Variants in L3MBTL4 observed in about 807,000 individuals in gnomAD.
L3MBTL4 encodes L3MBTL histone methyl-lysine binding protein 4.
Under a neutral mutation model 84.5 loss-of-function variants are expected in L3MBTL4, and 70 were observed. The ratio of observed to expected loss-of-function variants is 0.83; its 90% CI spans 0.68 to 1.01. L3MBTL4 has a LOEUF of 1.01. L3MBTL4 is among the 50% of genes least tolerant of loss of function. The pLI is 0.00. For synonymous variants in L3MBTL4, 274 were observed against 259.8 expected, an observed-to-expected ratio of 1.05 and a Z score of -0.52; for missense variants, 715 against 754.8, an observed-to-expected ratio of 0.95 and a Z score of 0.62.
chr18:6,400,449 A>G (rs1454296707), intron 1 of L3MBTL4, among the ~76,000 whole-genome samples: 2 of 152,202 alleles, frequency 1.3e-5, no homozygotes, highest in African/African-American at 4.8e-5. Flanking sequence ...TTACCTTGTC[A>G]TCCAGGCTAC....
At chr18:6,243,502 T>C (rs1020303767) in intron 6 of L3MBTL4, 73 bp from the exon 7 acceptor site, 31 of 1,312,324 alleles carry the variant, frequency 2.4e-5, no homozygotes, top group Non-Finnish European at 2.8e-5. Context: ...TCACAAAATA[T>C]TCATATATTT....
rs188446013 is a variant in L3MBTL4, at chr18:6,314,993, C to G, written c.-90-2937G>C. Among the ~76,000 whole-genome samples the G allele has an allele frequency of 2.1e-3, 315 of 152,288 alleles. 1 individual carries two copies. Among genetic ancestry groups the G allele is most frequent in the African/African-American group, 5.7e-3 (237 of 41,564 alleles). On this transcript the variant is annotated intron_variant, in intron 1 of 18. Transcript: ENST00000317931. Reference sequence around the variant, plus strand: ...ATAAGGATTAACAGCACTGCTTTCACTCCCCCAAAATATCCCAGTTTAAAC... The same window carrying G: ...ATAAGGATTAACAGCACTGCTTTCAGTCCCCCAAAATATCCCAGTTTAAAC...
chr18:6,064,741 G>C (rs2057346358), intron 16 of L3MBTL4, among the ~76,000 whole-genome samples: 1 of 151,854 alleles, frequency 6.6e-6, no homozygotes, highest in South Asian at 2.1e-4. Context: ...AGATCTAGGA[G>C]CTTTTTGGAT....
At chr18:6,003,327 T>C (rs1168353424) in intron 16 of L3MBTL4, among the ~76,000 whole-genome samples, 2 of 151,382 alleles carry the variant, frequency 1.3e-5, no homozygotes, top group Admixed American at 1.3e-4. Context: ...GTGTGATATA[T>C]TAATAAAAGG....
intron 4 of L3MBTL4, among the ~76,000 whole-genome samples, chr18:6,270,892 C>T (rs547819587): frequency 6.6e-6 from 1 of 152,282 alleles, no homozygotes; most frequent in African/African-American, 2.4e-5. Flanking sequence ...AGCAGAACTT[C>T]CTCTATGAAT....
chr18:6,310,559 T>C (rs7235294), intron 3 of L3MBTL4, among the ~76,000 whole-genome samples: 27,954 of 152,036 alleles, frequency 0.18, 2,637 homozygotes, highest in Middle Eastern at 0.22. Flanking sequence ...ATGTATTACA[T>C]GATGTCACTT....
At chr18:6,274,281 G>A (rs2048992363) in intron 4 of L3MBTL4, among the ~76,000 whole-genome samples, 2 of 152,144 alleles carry the variant, frequency 1.3e-5, no homozygotes, top group South Asian at 4.1e-4. Context: ...CTGGGAGTAG[G>A]GCCCAGCAAT....
chr18:6,252,332 G>A (rs1186987206), intron 5 of L3MBTL4, among the ~76,000 whole-genome samples: 1 of 152,014 alleles, frequency 6.6e-6, no homozygotes, highest in Non-Finnish European at 1.5e-5. Context: ...AAAAAAGCAA[G>A]ACACATCACT....
intron 14 of L3MBTL4, among the ~76,000 whole-genome samples, chr18:6,120,901 T>G (rs1002565846): frequency 6.6e-6 from 1 of 152,184 alleles, no homozygotes; most frequent in African/African-American, 2.4e-5. Context: ...AAGTAGGAGC[T>G]ATTATAAATA....
At position 6,281,307 on chromosome 18, in the gene L3MBTL4, T is replaced by C. The variant is rs147675504; in HGVS notation, c.128-17269A>G. ...AAAGCATCCATAGCTAACATTTTCCTCTCTTTGAGCTGATGTTCAGGGAAA... is the reference window on the plus strand; with the variant it reads ...AAAGCATCCATAGCTAACATTTTCCCCTCTTTGAGCTGATGTTCAGGGAAA... On this transcript the variant is annotated intron_variant, in intron 4 of 18. Transcript: ENST00000317931. Among the ~76,000 whole-genome samples the C allele has an allele frequency of 3.0e-3, 455 of 152,318 alleles. 5 individuals are homozygous for C. The highest frequency in any genetic ancestry group is 0.011 in the African/African-American group (439 of 41,566).
At chr18:6,104,853 A>G (rs1049406850) in intron 14 of L3MBTL4, among the ~76,000 whole-genome samples, 4 of 152,226 alleles carry the variant, frequency 2.6e-5, no homozygotes, top group Admixed American at 2.0e-4. Context: ...GTTGCCAATT[A>G]TATTCTTTCC....
intron 12 of L3MBTL4, among the ~76,000 whole-genome samples, chr18:6,203,460 T>C (rs745919512): frequency 3.9e-5 from 6 of 152,322 alleles, no homozygotes; most frequent in Middle Eastern, 3.4e-3. Context: ...TACAACACTG[T>C]TGAGGTGGAA....
At chr18:6,322,985 G>A (rs899384483) in intron 1 of L3MBTL4, among the ~76,000 whole-genome samples, 39 of 152,094 alleles carry the variant, frequency 2.6e-4, no homozygotes, top group African/African-American at 8.9e-4. Context: ...GTAACAGTGA[G>A]TAAGTTCTCA....
At chr18:6,229,732 T>C (rs1226985036) in intron 10 of L3MBTL4, among the ~76,000 whole-genome samples, 1 of 152,196 alleles carries the variant, frequency 6.6e-6, no homozygotes, top group African/African-American at 2.4e-5. Context: ...TTGAAGACTC[T>C]CTTTTCCCCA....
At chr18:5,993,004 G>T (rs928938033) in intron 16 of L3MBTL4, among the ~76,000 whole-genome samples, 1 of 152,200 alleles carries the variant, frequency 6.6e-6, no homozygotes, top group African/African-American at 2.4e-5. Context: ...AAGATCACCT[G>T]GGGGCACAGA....
chr18:6,380,340 A>G (rs955066359), intron 1 of L3MBTL4, among the ~76,000 whole-genome samples: 10 of 151,878 alleles, frequency 6.6e-5, no homozygotes, highest in African/African-American at 2.4e-4. Context: ...AATCTTCATT[A>G]TTTCTTGTCT....
intron 13 of L3MBTL4, among the ~76,000 whole-genome samples, chr18:6,143,997 A>T (rs1283431586): frequency 2.6e-5 from 4 of 152,108 alleles, no homozygotes; most frequent in African/African-American, 4.8e-5. Context: ...GGAGATCGAG[A>T]CTATCCTGGC....
chr18:6,072,681 A>AAC (rs367701179), intron 16 of L3MBTL4, among the ~76,000 whole-genome samples: 1,247 of 119,720 alleles, frequency 0.01, 7 homozygotes, highest in Non-Finnish European at 0.015. Flanking sequence ...TCTACTAAAA[A>AAC]ACACACACAC....
intron 1 of L3MBTL4, among the ~76,000 whole-genome samples, chr18:6,345,050 T>G (rs236036): frequency 0.079 from 11,979 of 151,620 alleles, 697 homozygotes; most frequent in African/African-American, 0.16. Context: ...AAATTGTCTG[T>G]CTTTGCAAGT....
Sources: gnomAD v4.1 joint callset for allele counts (sites outside exome capture counted in the v4.1 genomes callset) on GRCh38, gnomAD v4.1.1 for gene constraint, MANE v1.5 for transcripts, NCBI Gene and HGNC (gene_info 2026-07-23, HGNC 2026-07-21) for gene names.